WASF2: variants seen among roughly 807,000 people sequenced by gnomAD.
WASF2 encodes the protein actin-binding protein WASF2.
WASF2 carries 14 observed loss-of-function variants against 45.0 expected under a neutral mutation model. That is an observed-to-expected ratio of 0.31 (90% CI 0.21 to 0.49). WASF2 has a LOEUF of 0.49. Ranked by LOEUF, WASF2 falls within the 20% of genes least tolerant of loss-of-function variation. WASF2 has a pLI of 0.99. For synonymous variants in WASF2, 200 were observed against 236.3 expected, an observed-to-expected ratio of 0.85 and a Z score of 1.41; for missense variants, 439 against 636.1, an observed-to-expected ratio of 0.69 and a Z score of 3.33.
Position 27,487,406 on chromosome 1 carries a change from T to C in WASF2, c.-44+2580A>G, listed in dbSNP as rs186414722. Among the ~76,000 whole-genome samples, 620 of 132,092 alleles carry C rather than the reference T, an allele frequency of 4.7e-3. 12 individuals carry two copies. The highest frequency in any genetic ancestry group is 0.016 in the East Asian group (78 of 5,016). The allele number at this position is 132,092 out of a possible 152,430, so 86.7% of individuals were successfully genotyped here. A position where few individuals can be genotyped will look rare whatever the true frequency, so the allele number is the denominator to read the frequency against. ...GAGTCACCATGCCCGGCCTATAATA[T>C]ATATTTTATATAAATATATATATTT... On this transcript the variant is annotated intron_variant, in intron 1 of 8. Transcript: ENST00000618852.
chr1:27,438,340 G>C (rs2017164606), intron 1 of WASF2, among the ~76,000 whole-genome samples: 1 of 152,224 alleles, frequency 6.6e-6, no homozygotes, highest in South Asian at 2.1e-4. Context: ...CCCACTGGTG[G>C]ATTAGCTACA....
Position 27,443,481 on chromosome 1 carries a change from C to A in WASF2, c.-43-14548G>T, listed in dbSNP as rs2017271226. On this transcript the variant is annotated intron_variant, in intron 1 of 8. Transcript: ENST00000618852. Reference sequence around the variant, plus strand: ...CACAAAAACTAGCTGGGCGTGGTGGCAGGCACCTGTAATCCCAGCTACTTG... The same window carrying A: ...CACAAAAACTAGCTGGGCGTGGTGGAAGGCACCTGTAATCCCAGCTACTTG... 2.0e-5 allele frequency among the ~76,000 whole-genome samples: 3 copies of A among 151,816 alleles called. No individual in the cohort carries two copies. In the South Asian group the frequency reaches 6.3e-4, roughly 32 times the overall value.
intron 8 of WASF2, 67 bp downstream of exon 8, chr1:27,409,625 C>T (rs2016732449): frequency 1.4e-6 from 2 of 1,399,200 alleles, no homozygotes; most frequent in East Asian, 5.2e-5. Flanking sequence ...TCACCCATCC[C>T]CCAATCAGTC....
At chr1:27,475,668 C>T (rs1192454203) in intron 1 of WASF2, among the ~76,000 whole-genome samples, 2 of 152,130 alleles carry the variant, frequency 1.3e-5, no homozygotes, top group African/African-American at 4.8e-5. Context: ...GCCTCTGTTG[C>T]CCAGGCTGGA....
intron 1 of WASF2, among the ~76,000 whole-genome samples, chr1:27,465,466 G>C (rs1391054835): frequency 6.6e-6 from 1 of 152,152 alleles, no homozygotes; most frequent in African/African-American, 2.4e-5. Flanking sequence ...CAAAGTAACA[G>C]CTGCATCTAA....
At chr1:27,464,899 T>C (rs990751514) in intron 1 of WASF2, among the ~76,000 whole-genome samples, 2 of 152,160 alleles carry the variant, frequency 1.3e-5, no homozygotes, top group Non-Finnish European at 2.9e-5. Context: ...CGGCTAATTA[T>C]TGTATTTTTA....
intron 1 of WASF2, among the ~76,000 whole-genome samples, chr1:27,469,176 G>C (rs933100867): frequency 6.6e-6 from 1 of 152,060 alleles, no homozygotes; most frequent in Non-Finnish European, 1.5e-5. Flanking sequence ...TATGATGTCT[G>C]GGACTTGTTT....
At chr1:27,424,326 C>T (rs1167055249) in intron 2 of WASF2, among the ~76,000 whole-genome samples, 4 of 152,146 alleles carry the variant, frequency 2.6e-5, no homozygotes, top group Admixed American at 6.5e-5. Context: ...TCCTTGACCC[C>T]GCCTATCCCT....
chr1:27,462,274 C>A (rs1251973812), intron 1 of WASF2, among the ~76,000 whole-genome samples: 1 of 152,030 alleles, frequency 6.6e-6, no homozygotes, highest in African/African-American at 2.4e-5. Flanking sequence ...CCGTGCCTGG[C>A]CCTATTATTA....
chr1:27,441,529 G>A (rs1422945649), intron 1 of WASF2, among the ~76,000 whole-genome samples: 3 of 151,796 alleles, frequency 2.0e-5, no homozygotes, highest in Admixed American at 6.6e-5. Context: ...CGAGGTGGGC[G>A]GATCACAAGG....
chr1:27,471,139 T>G (rs1236082408), intron 1 of WASF2, among the ~76,000 whole-genome samples: 6 of 151,512 alleles, frequency 4.0e-5, no homozygotes, highest in Admixed American at 6.6e-5. Context: ...GGTCAGGAGA[T>G]CGAGACCATC....
intron 1 of WASF2, among the ~76,000 whole-genome samples, chr1:27,429,776 CAA>C (rs761977530): frequency 2.2e-4 from 19 of 87,628 alleles, no homozygotes; most frequent in East Asian, 2.6e-4. Flanking sequence ...GACTCCGTCT[CAA>C]AAAAAAAAAA....
intron 2 of WASF2, among the ~76,000 whole-genome samples, chr1:27,420,916 T>G (rs1297161734): frequency 7.9e-5 from 12 of 152,180 alleles, no homozygotes; most frequent in Admixed American, 7.9e-4. Flanking sequence ...TAAAGTAGGC[T>G]CTAATTTTTA....
intron 6 of WASF2, among the ~76,000 whole-genome samples, chr1:27,413,564 G>T (rs1210894687): frequency 6.6e-6 from 1 of 152,166 alleles, no homozygotes; most frequent in African/African-American, 2.4e-5. Flanking sequence ...AAATCCCCAA[G>T]GCCTGGAGCC....
chr1:27,483,307 T>C (rs182158124), intron 1 of WASF2, among the ~76,000 whole-genome samples: 19 of 152,040 alleles, frequency 1.2e-4, no homozygotes, highest in African/African-American at 4.1e-4. Context: ...CCATCTCTAC[T>C]AAAAATGCAA....
intron 6 of WASF2, among the ~76,000 whole-genome samples, chr1:27,413,007 C>G (rs2016784707): frequency 6.6e-6 from 1 of 152,168 alleles, no homozygotes; most frequent in Non-Finnish European, 1.5e-5. Context: ...TTGGCCTTGT[C>G]AAACCCAGCA....
At chr1:27,475,442 C>A (rs1160200151) in intron 1 of WASF2, among the ~76,000 whole-genome samples, 1 of 152,330 alleles carries the variant, frequency 6.6e-6, no homozygotes, top group South Asian at 2.1e-4. Context: ...TTCCTTCTCC[C>A]TGGAACTCTC....
intron 2 of WASF2, among the ~76,000 whole-genome samples, chr1:27,426,227 T>C (rs558925270): frequency 1.3e-5 from 2 of 152,304 alleles, no homozygotes; most frequent in East Asian, 3.9e-4. Context: ...CACAGAACTT[T>C]CAAACCTTCA....
intron 1 of WASF2, among the ~76,000 whole-genome samples, chr1:27,462,444 C>T (rs1186913008): frequency 6.6e-6 from 1 of 152,106 alleles, no homozygotes; most frequent in Admixed American, 6.5e-5. Flanking sequence ...ATCTTTTACC[C>T]GTTGTCTCAC....
Sources: allele counts gnomAD v4.1 joint callset (sites outside exome capture counted in the v4.1 genomes callset), GRCh38; gene constraint gnomAD v4.1.1; transcripts MANE v1.5; gene names NCBI Gene and HGNC (gene_info 2026-07-23, HGNC 2026-07-21).